Variants in ARHGEF7 observed in about 807,000 individuals in gnomAD.
ARHGEF7 encodes the protein Rho guanine nucleotide exchange factor 7.
Under a neutral mutation model 109.8 loss-of-function variants are expected in ARHGEF7, and 33 were observed. That is an observed-to-expected ratio of 0.30 (90% confidence interval 0.23 to 0.40). ARHGEF7 has a LOEUF of 0.40. ARHGEF7 is among the 10% of genes least tolerant of loss of function. The pLI, the probability that ARHGEF7 is intolerant of heterozygous loss-of-function variation, is 1.00. For missense variants in ARHGEF7, 938 were observed against 1,098.5 expected (o/e 0.85, Z 2.07); for synonymous variants, 458 against 424.6 (o/e 1.08, Z -0.97).
Position 111,228,598 on chromosome 13 carries a change from T to C in ARHGEF7, c.671-4607T>C, listed in dbSNP as rs974463559. On this transcript the variant is annotated intron_variant, in intron 5 of 21. Transcript: ENST00000646102. This position sits in a 1 kb window ranked among gnomAD's most constrained non-coding sequence, Gnocchi z 4.6. Reference sequence around the variant, plus strand: ...TTGGGAAAAAGTAATGGCACAATTATAACATTTTCGAACAAAGATCGAGCG... The same window carrying C: ...TTGGGAAAAAGTAATGGCACAATTACAACATTTTCGAACAAAGATCGAGCG... Among the ~76,000 whole-genome samples the C allele has an allele frequency of 6.6e-6, 1 of 152,218 alleles. No homozygotes were observed. The highest frequency in any genetic ancestry group is 2.4e-5 in the African/African-American group (1 of 41,456).
At chr13:111,188,125 T>C (rs973511695) in intron 2 of ARHGEF7, among the ~76,000 whole-genome samples, 8 of 152,150 alleles carry the variant, frequency 5.3e-5, no homozygotes, top group African/African-American at 1.9e-4. Context: ...GATCACTCGC[T>C]CTGTGGAGTC....
intron 4 of ARHGEF7, among the ~76,000 whole-genome samples, chr13:111,210,253 T>C (rs556473815): frequency 6.6e-6 from 1 of 152,364 alleles, no homozygotes; most frequent in South Asian, 2.1e-4. Context: ...CATGACTCGA[T>C]ATCTGGAGTG....
intron 6 of ARHGEF7, among the ~76,000 whole-genome samples, chr13:111,237,754 A>C (rs1210729831): frequency 6.6e-6 from 1 of 152,226 alleles, no homozygotes; most frequent in East Asian, 1.9e-4. Flanking sequence ...ATATATTTTC[A>C]TGTTAAGTGC....
chr13:111,274,710 G>C, intron 10 of ARHGEF7, 21 bp from the exon 11 acceptor site: 1 of 1,417,624 alleles, frequency 7.1e-7, no homozygotes, highest in Non-Finnish European at 9.4e-7. Flanking sequence ...AAAGCTAATT[G>C]TATGTTTCTT....
At chr13:111,287,359 C>A (rs2093063848) in intron 17 of ARHGEF7, among the ~76,000 whole-genome samples, 1 of 152,214 alleles carries the variant, frequency 6.6e-6, no homozygotes, top group Non-Finnish European at 1.5e-5. Context: ...GGGCCACTTC[C>A]TTCAGCAGAT....
chr13:111,175,020 T>C (rs2077999965), intron 2 of ARHGEF7, among the ~76,000 whole-genome samples: 1 of 152,258 alleles, frequency 6.6e-6, no homozygotes, highest in African/African-American at 2.4e-5. Flanking sequence ...AGTGTGAATT[T>C]GACTCTTCCC....
intron 12 of ARHGEF7, 85 bp downstream of exon 12, chr13:111,275,763 A>G: frequency 1.3e-6 from 2 of 1,525,544 alleles, no homozygotes; most frequent in Non-Finnish European, 1.8e-6. Context: ...ATCTCAAGCG[A>G]TGAAAAATGT....
At chr13:111,271,257 A>G (rs2092122174) in intron 9 of ARHGEF7, among the ~76,000 whole-genome samples, 1 of 152,180 alleles carries the variant, frequency 6.6e-6, no homozygotes, top group Admixed American at 6.5e-5. Context: ...CAGTTGCCCC[A>G]GCTGAGAAGG....
chr13:111,222,836 G>A (rs187234907), intron 5 of ARHGEF7, among the ~76,000 whole-genome samples: 8 of 152,334 alleles, frequency 5.3e-5, no homozygotes, highest in African/African-American at 1.9e-4. Flanking sequence ...ATTACATTCA[G>A]TACAGCAGAC....
At chr13:111,298,157 CAT>C (rs1323562055) in intron 19 of ARHGEF7, among the ~76,000 whole-genome samples, 2 of 152,228 alleles carry the variant, frequency 1.3e-5, no homozygotes, top group Non-Finnish European at 2.9e-5. Flanking sequence ...GATTTCTTCA[CAT>C]GTGGTATAAA....
intron 15 of ARHGEF7, chr13:111,282,791 T>C (rs1209938162): frequency 8.6e-6 from 3 of 348,210 alleles, no homozygotes; most frequent in Non-Finnish European, 1.6e-5. Context: ...TTTTGTGAAA[T>C]TCTCATCTTT....
In ARHGEF7 at chr13:111,272,999, G is replaced by A. The variant is rs72653552; in HGVS notation, c.1074-815G>A. Among the ~76,000 whole-genome samples the A allele has an allele frequency of 0.012, 1,759 of 152,178 alleles. 21 individuals carry two copies. The highest frequency in any genetic ancestry group is 0.034 in the Middle Eastern group (10 of 294). ...CCCACTGTAGGGAAAGATAGGCGAG[G>A]CACTGTGAAGGGGATGGTTGAAGAG... On this transcript the variant is annotated intron_variant, in intron 9 of 21. Coordinates refer to ENST00000646102, the MANE Select transcript of ARHGEF7 (RefSeq NM_001354046.2). This position sits in a 1 kb window ranked among gnomAD's most constrained non-coding sequence, Gnocchi z 5.2.
intron 9 of ARHGEF7, 122 bp downstream of exon 9, chr13:111,267,792 C>G: frequency 8.1e-7 from 1 of 1,241,312 alleles, no homozygotes; most frequent in Non-Finnish European, 1.1e-6. Context: ...TTTTAATTAC[C>G]CCTCAAAATT....
intron 19 of ARHGEF7, chr13:111,293,315 C>T: frequency 1.0e-6 from 1 of 985,328 alleles, no homozygotes; most frequent in African/African-American, 1.7e-5. Context: ...TTATTTTCAG[C>T]AACCAGCTGC....
intron 2 of ARHGEF7, among the ~76,000 whole-genome samples, chr13:111,154,233 G>A (rs2076117349): frequency 6.6e-6 from 1 of 152,234 alleles, no homozygotes; most frequent in South Asian, 2.1e-4. Flanking sequence ...CCCAGACATT[G>A]CTCTCGTTCC....
intron 2 of ARHGEF7, 40 bp from the exon 3 acceptor site, chr13:111,205,249 A>G (rs2081672727): frequency 6.6e-7 from 1 of 1,521,728 alleles, no homozygotes; most frequent in Non-Finnish European, 9.0e-7. Context: ...CACCCAACAT[A>G]AGACTCTACT....
At chr13:111,152,820 G>A (rs371828002) in intron 1 of ARHGEF7, among the ~76,000 whole-genome samples, 48 of 152,192 alleles carry the variant, frequency 3.2e-4, no homozygotes, top group African/African-American at 1.1e-3. Context: ...TTTTTCGTAT[G>A]CCTCAGGCTT....
At chr13:111,153,158 A>G (rs534594700) in intron 1 of ARHGEF7, among the ~76,000 whole-genome samples, 1 of 152,392 alleles carries the variant, frequency 6.6e-6, no homozygotes, top group East Asian at 1.9e-4. Flanking sequence ...TAGAATAGTA[A>G]CTGCGCTCTC....
At chr13:111,262,975 G>A (rs952101221) in intron 8 of ARHGEF7, among the ~76,000 whole-genome samples, 1 of 152,178 alleles carries the variant, frequency 6.6e-6, no homozygotes, top group Non-Finnish European at 1.5e-5. Context: ...AGCCCCTGTG[G>A]GGTGCCCTGT....
Sources: allele counts gnomAD v4.1 joint callset (sites outside exome capture counted in the v4.1 genomes callset), GRCh38; gene constraint gnomAD v4.1.1; non-coding constraint Gnocchi (gnomAD v3.1); transcripts MANE v1.5; gene names NCBI Gene and HGNC (gene_info 2026-07-23, HGNC 2026-07-21).